The following ERBB3 variants were observed in gnomAD, a reference collection of about 807,000 sequenced individuals.
ERBB3 encodes the protein erb-b2 receptor tyrosine kinase 3, also known as receptor tyrosine-protein kinase erbB-3.
ERBB3 carries 96 observed loss-of-function variants against 156.7 expected under a neutral mutation model. That is an observed-to-expected ratio of 0.61 (90% CI 0.52 to 0.73). The LOEUF (loss-of-function observed/expected upper bound fraction) is 0.73. Ranked by LOEUF, ERBB3 falls within the 30% of genes least tolerant of loss-of-function variation. The pLI is 0.00. For synonymous variants in ERBB3, 567 were observed against 632.0 expected (o/e 0.90, Z 1.54); for missense variants, 1,406 against 1,709.4 (o/e 0.82, Z 3.13).
chr12:56,087,154 A>AG (rs1868513585), intron 4 of ERBB3, among the ~76,000 whole-genome samples: 1 of 150,636 alleles, frequency 6.6e-6, no homozygotes, highest in Non-Finnish European at 1.5e-5. Context: ...AAAAAAAAAA[A>AG]TCCCTGAGTA....
chr12:56,094,366 G>A (rs1481100639), intron 14 of ERBB3, 36 bp from the exon 15 acceptor site: 1 of 1,613,432 alleles, frequency 6.2e-7, no homozygotes. Context: ...TTGACCTTGG[G>A]ATCTGATTCT....
chr12:56,082,565 TC>T (rs1266779995), intron 1 of ERBB3, among the ~76,000 whole-genome samples: 2 of 152,044 alleles, frequency 1.3e-5, no homozygotes, highest in Non-Finnish European at 2.9e-5. Flanking sequence ...CTCCCTCCAT[TC>T]CCACTGTTGC....
Position 56,103,472 on chromosome 12 carries a change from C to A in ERBB3, c.*1417C>A. ...TGAAGTTTTTTGTTTTGTTTTTATA[C>A]GTGTCTGAATAAAAATGCCAAAGTT... On this transcript the variant is annotated 3_prime_UTR_variant, in exon 28 of 28. Transcript: ENST00000267101. 5.1e-6 allele frequency: 1 copy of A among 197,634 alleles called. No individual in the cohort carries two copies. The highest frequency in any genetic ancestry group is 1.0e-5 in the Non-Finnish European group (1 of 95,550). The allele number at this position is 197,634 out of a possible 1,614,324, so 12.2% of individuals were successfully genotyped here.
chr12:56,096,085 G>T, intron 17 of ERBB3: 1 of 547,006 alleles, frequency 1.8e-6, no homozygotes, highest in Non-Finnish European at 3.3e-6. Context: ...TATCTTCTCT[G>T]TGCCTCGGTT....
chr12:56,098,292 C>T, intron 21 of ERBB3: 1 of 586,810 alleles, frequency 1.7e-6, no homozygotes, highest in African/African-American at 1.9e-5. Context: ...TGCATCTGTA[C>T]TCCCAGCTAC....
At chr12:56,084,529 G>A (rs932912121) in intron 2 of ERBB3, among the ~76,000 whole-genome samples, 8 of 150,852 alleles carry the variant, frequency 5.3e-5, no homozygotes, top group African/African-American at 1.7e-4. Flanking sequence ...AGGATTGCTT[G>A]AGCCCAGGAG....
chr12:56,100,996 A>C (rs1261922141), intron 26 of ERBB3, 65 bp from the exon 27 acceptor site: 4 of 1,311,744 alleles, frequency 3.0e-6, no homozygotes, highest in Non-Finnish European at 4.3e-6. Context: ...CTTCTAAACA[A>C]ATCTCTCTTC....
chr12:56,088,435 C>T (rs962213751), intron 7 of ERBB3, 108 bp from the exon 8 acceptor site: 4 of 955,092 alleles, frequency 4.2e-6, no homozygotes, highest in Non-Finnish European at 6.9e-6. Flanking sequence ...CAGATGGGGA[C>T]AAATCCAGTG....
At chr12:56,096,280 G>C in intron 17 of ERBB3, 1 of 606,618 alleles carries the variant, frequency 1.6e-6, no homozygotes, top group Non-Finnish European at 2.9e-6. Flanking sequence ...TCCATCAAAG[G>C]GAAAACCCAA....
At position 56,093,173 on chromosome 12, in the gene ERBB3, G is replaced by C. The variant is rs986039867; in HGVS notation, c.1274+97G>C. ...ATACAAGGCACTGTCTCATACAGCA[G>C]TGCCTCAAAACCAAAGGGTTTCAGA... On this transcript the variant is annotated intron_variant, in intron 11 of 27. Coordinates refer to ENST00000267101, the MANE Select transcript of ERBB3 (RefSeq NM_001982.4). 5.9e-6 allele frequency: 7 copies of C among 1,188,724 alleles called. No homozygotes were observed. The African/African-American group carries it at 9.0e-5, about 15-fold the overall frequency. 73.6% of individuals were successfully genotyped at this position (1,188,724 alleles called of 1,614,324 possible).
At position 56,092,757 on chromosome 12, in the gene ERBB3, C is replaced by T. The variant is rs980406157; in HGVS notation, c.1120C>T (p.His374Tyr). The T allele has an allele frequency of 6.8e-6, 11 of 1,613,758 alleles. No homozygotes were observed. Among genetic ancestry groups the T allele is most frequent in the Non-Finnish European group, 5.9e-6 (7 of 1,179,754 alleles). ...TACTGTTCTATTCAGAGACCCCTGG[C>T]ACAAGATCCCTGCCCTGGACCCAGA... is the stretch of plus-strand genomic sequence containing the variant. ...LITGLNGDPW[H>Y]KIPALDPEKL... Residue 374 changes from histidine (H) to tyrosine (Y), a missense_variant, in exon 10 of 28, where the codon CAC becomes TAC. Physicochemically the swap from His to Tyr is moderately conservative, Grantham distance 83. Transcript: ENST00000267101.
At position 56,101,249 on chromosome 12, in the gene ERBB3, C is replaced by G; in HGVS notation, c.3390C>G (p.Ser1130Arg). 6.2e-7 allele frequency: 1 copy of G among 1,614,076 alleles called. No individual in the cohort carries two copies. The highest frequency in any genetic ancestry group is 2.2e-5 in the East Asian group (1 of 44,870). ...RSRSPRPRGD[S>R]AYHSQRHSLL... is the part of the protein sequence containing the mutation. Reference sequence around the variant, plus strand: ...GGAGCCCACGGCCACGCGGAGATAGCGCCTACCATTCCCAGCGCCACAGTC... The same window carrying G: ...GGAGCCCACGGCCACGCGGAGATAGGGCCTACCATTCCCAGCGCCACAGTC... The change falls in exon 27 of 28, where the codon AGC (serine) becomes AGG (arginine). Residue 1130 changes from serine to arginine, a missense_variant. By Grantham distance (110) the Ser-to-Arg change is moderately radical. Transcript: ENST00000267101.
intron 21 of ERBB3, chr12:56,098,163 G>C (rs555074566): frequency 1.7e-6 from 1 of 577,260 alleles, no homozygotes; most frequent in Non-Finnish European, 3.1e-6. Flanking sequence ...CCAACACTTC[G>C]GGAGGCCAAG....
At chr12:56,098,078 A>C (rs1868948993) in intron 21 of ERBB3, 138 bp downstream of exon 21, 2 of 846,742 alleles carry the variant, frequency 2.4e-6, no homozygotes, top group Non-Finnish European at 3.7e-6. Flanking sequence ...CAGATATTTT[A>C]GTTCAGAGGG....
At position 56,096,430 on chromosome 12, in the gene ERBB3, C is replaced by T. The variant is rs149279640; in HGVS notation, c.2056-73C>T. On this transcript the variant is annotated intron_variant, in intron 17 of 27. Coordinates refer to ENST00000267101, the MANE Select transcript of ERBB3 (RefSeq NM_001982.4). The stretch of plus-strand genomic sequence containing the variant: ...TCAGCTGTGCTGCTTTTGGCATTCA[C>T]CTATGAGGAGCGGGTTGGAGTGGGA... 139 of 1,598,152 alleles carry T rather than the reference C, an allele frequency of 8.7e-5. No homozygotes were observed. The African/African-American group carries it at 1.3e-3, about 15-fold the overall frequency.
chr12:56,086,809 C>T, intron 4 of ERBB3, 153 bp downstream of exon 4: 1 of 849,618 alleles, frequency 1.2e-6, no homozygotes. Flanking sequence ...GCAGACCATT[C>T]CAGTCTCCTG....
intron 3 of ERBB3, 93 bp from the exon 4 acceptor site, chr12:56,086,438 C>T (rs1868489418): frequency 6.7e-7 from 1 of 1,485,330 alleles, no homozygotes; most frequent in East Asian, 2.3e-5. Flanking sequence ...TCTCCCACTC[C>T]TGAGTCTCAG....
chr12:56,100,990 T>G, intron 26 of ERBB3, 71 bp from the exon 27 acceptor site: 2 of 989,598 alleles, frequency 2.0e-6, no homozygotes, highest in Admixed American at 4.1e-5. Flanking sequence ...AATATCCTTC[T>G]AAACAAATCT....
chr12:56,087,095 C>T (rs1868510658), intron 4 of ERBB3, among the ~76,000 whole-genome samples: 1 of 150,380 alleles, frequency 6.6e-6, no homozygotes, highest in Admixed American at 6.7e-5. Flanking sequence ...TGTGATTGTG[C>T]CATTGTACTC....
Sources: gnomAD v4.1 joint callset for allele counts (sites outside exome capture counted in the v4.1 genomes callset) on GRCh38, gnomAD v4.1.1 for gene constraint, MANE v1.5 for transcripts, NCBI Gene and HGNC (gene_info 2026-07-23, HGNC 2026-07-21) for gene names.